QTGAL: variants seen among roughly 807,000 people sequenced by gnomAD.
The protein encoded by QTGAL is queuosine-tRNA galactosyltransferase.
At chr17:83,027,594 T>A in the QTGAL span, among the ~76,000 whole-genome samples, 1 of 150,140 alleles carries the variant, frequency 6.7e-6, no homozygotes, top group Non-Finnish European at 1.5e-5. Flanking sequence ...CTCCATGCTT[T>A]GAGAGGCTGA....
the QTGAL span, among the ~76,000 whole-genome samples, chr17:82,946,379 A>G: frequency 6.6e-6 from 1 of 152,268 alleles, no homozygotes; most frequent in Non-Finnish European, 1.5e-5. Flanking sequence ...GCTCAGTTCA[A>G]CAGGAAGATG....
At chr17:82,950,319 C>A in the QTGAL span, among the ~76,000 whole-genome samples, 3 of 152,212 alleles carry the variant, frequency 2.0e-5, no homozygotes, top group Admixed American at 6.5e-5. Context: ...AGTAGTGACA[C>A]CACAGGTCAC....
At chr17:83,033,496 G>C in the QTGAL span, among the ~76,000 whole-genome samples, 2 of 148,994 alleles carry the variant, frequency 1.3e-5, no homozygotes, top group Non-Finnish European at 3.0e-5. Flanking sequence ...TTTTGAGACA[G>C]AGTCCCGCTC....
chr17:82,946,686 G>T, the QTGAL span, among the ~76,000 whole-genome samples: 1 of 151,728 alleles, frequency 6.6e-6, no homozygotes, highest in South Asian at 2.1e-4. Flanking sequence ...AAAACAGATA[G>T]AGTTCACCTA....
the QTGAL span, among the ~76,000 whole-genome samples, chr17:83,017,200 G>A: frequency 1.4e-4 from 19 of 140,680 alleles, no homozygotes; most frequent in Non-Finnish European, 2.4e-4. Flanking sequence ...GGGCAGTGGC[G>A]GGAGGAGGAA....
chr17:82,987,152 C>A, the QTGAL span, among the ~76,000 whole-genome samples: 8 of 152,322 alleles, frequency 5.3e-5, no homozygotes, highest in South Asian at 8.3e-4. Flanking sequence ...ACCCCATTTA[C>A]CCTAATATAG....
chr17:83,048,917 G>A, the QTGAL span: 6 of 708,214 alleles, frequency 8.5e-6, no homozygotes, highest in Non-Finnish European at 1.3e-5. Context: ...TTTTCTCCAG[G>A]CTCTTAACAT....
the QTGAL span, among the ~76,000 whole-genome samples, chr17:82,965,155 CCCA>C: frequency 7.1e-6 from 1 of 141,278 alleles, no homozygotes; most frequent in Non-Finnish European, 1.5e-5. Context: ...CAGGTGCACT[CCCA>C]CGGGGGGGAT....
the QTGAL span, among the ~76,000 whole-genome samples, chr17:82,993,648 T>G: frequency 6.6e-6 from 1 of 152,096 alleles, no homozygotes; most frequent in African/African-American, 2.4e-5. Context: ...AATAGATATT[T>G]ACAAAATATT....
At chr17:82,970,643 C>A in the QTGAL span, among the ~76,000 whole-genome samples, 4 of 112,778 alleles carry the variant, frequency 3.5e-5, 1 homozygote, top group Non-Finnish European at 7.5e-5. Flanking sequence ...GACCTCCGCA[C>A]CCGGTGTGGC....
chr17:82,953,993 G>A, the QTGAL span, among the ~76,000 whole-genome samples: 4 of 152,116 alleles, frequency 2.6e-5, no homozygotes, highest in African/African-American at 9.7e-5. Context: ...TTGATGGAAC[G>A]TATCTCAAAA....
chr17:82,992,830 T>A, the QTGAL span, among the ~76,000 whole-genome samples: 4 of 152,200 alleles, frequency 2.6e-5, no homozygotes, highest in Admixed American at 6.5e-5. Context: ...AGTTAAGGTA[T>A]AGAGTTTTTA....
At chr17:82,969,009 C>T in the QTGAL span, among the ~76,000 whole-genome samples, 3 of 151,932 alleles carry the variant, frequency 2.0e-5, no homozygotes, top group Non-Finnish European at 4.4e-5. Context: ...TGGCAGGTGC[C>T]TGTAGTCCCA....
the QTGAL span, among the ~76,000 whole-genome samples, chr17:83,038,621 G>A: frequency 6.6e-6 from 1 of 152,162 alleles, no homozygotes; most frequent in South Asian, 2.1e-4. Context: ...CACTGTGGGA[G>A]GCCAAGGCAG....
At chr17:82,999,540 C>T in the QTGAL span, among the ~76,000 whole-genome samples, 4 of 152,238 alleles carry the variant, frequency 2.6e-5, no homozygotes, top group South Asian at 6.2e-4. Context: ...GAAGCCTTAC[C>T]GATAACATCA....
chr17:82,946,629 G>T, the QTGAL span, among the ~76,000 whole-genome samples: 1 of 138,922 alleles, frequency 7.2e-6, no homozygotes, highest in Non-Finnish European at 1.6e-5. Context: ...CTCTTTAAAA[G>T]AAATAATGAA....
chr17:83,016,860 C>T, the QTGAL span, among the ~76,000 whole-genome samples: 2 of 152,010 alleles, frequency 1.3e-5, no homozygotes, highest in Non-Finnish European at 2.9e-5. Context: ...TGAGGAGGCT[C>T]AAAGGAACCA....
chr17:83,023,309 C>T, the QTGAL span, among the ~76,000 whole-genome samples: 61 of 133,256 alleles, frequency 4.6e-4, no homozygotes, highest in Middle Eastern at 3.8e-3. Flanking sequence ...GAGCTTAGCA[C>T]TGTCCCCGCC....
chr17:83,008,290 G>A, the QTGAL span, among the ~76,000 whole-genome samples: 1 of 152,232 alleles, frequency 6.6e-6, no homozygotes, highest in Non-Finnish European at 1.5e-5. Flanking sequence ...GAGAAGTGTT[G>A]TGAGCTAATT....
Sources: gnomAD v4.1 joint callset for allele counts (sites outside exome capture counted in the v4.1 genomes callset) on GRCh38, gnomAD v4.1.1 for gene constraint, MANE v1.5 for transcripts, NCBI Gene and HGNC (gene_info 2026-07-23, HGNC 2026-07-21) for gene names.